Variants in CSRNP3 observed in about 807,000 individuals in gnomAD.
CSRNP3 encodes cysteine and serine rich nuclear protein 3, also known as cysteine/serine-rich nuclear protein 3.
A neutral mutation model predicts 48.0 loss-of-function variants in CSRNP3; 12 were observed. That is an observed-to-expected ratio of 0.25 (90% CI 0.16 to 0.41). The LOEUF (loss-of-function observed/expected upper bound fraction) is 0.41. CSRNP3 is among the 10% of genes least tolerant of loss of function. The pLI, the probability that CSRNP3 is intolerant of heterozygous loss-of-function variation, is 1.00. For missense variants in CSRNP3, 580 were observed against 724.4 expected (o/e 0.80, Z 2.29); for synonymous variants, 263 against 269.7 (o/e 0.98, Z 0.24).
chr2:165,645,447 T>C (rs1686795454), intron 4 of CSRNP3, among the ~76,000 whole-genome samples: 1 of 152,146 alleles, frequency 6.6e-6, no homozygotes. Context: ...ACCATCACCT[T>C]GGGGGTTAGA....
intron 3 of CSRNP3, among the ~76,000 whole-genome samples, chr2:165,591,491 A>T (rs558933764): frequency 1.3e-5 from 2 of 152,324 alleles, no homozygotes. Flanking sequence ...TCTCCAGGGC[A>T]TGTCAGAGAC....
At chr2:165,522,321 A>G (rs2105236406) in intron 3 of CSRNP3, among the ~76,000 whole-genome samples, 1 of 152,002 alleles carries the variant, frequency 6.6e-6, no homozygotes, top group African/African-American at 2.4e-5. Context: ...CAAACAAACA[A>G]AAAACCGCTT....
intron 4 of CSRNP3, among the ~76,000 whole-genome samples, chr2:165,643,609 G>T (rs1050158500): frequency 1.3e-5 from 2 of 152,052 alleles, no homozygotes; most frequent in Admixed American, 6.6e-5. Flanking sequence ...ACATTAATAG[G>T]ATAACTTTGA....
rs1558923489 is a variant in CSRNP3, at chr2:165,520,773, TATATATATATTATATATATATATA to T, written c.-24+2813_-24+2836del. On this transcript the variant is annotated intron_variant, in intron 3 of 6. Coordinates refer to ENST00000651982, the MANE Select transcript of CSRNP3 (RefSeq NM_001172173.2). ...TAAATAGATATATAGAAATATATTA[TATATATATATTATATATATATATA>T]TATATATATATATATATATATATAT... Among the ~76,000 whole-genome samples the T allele has an allele frequency of 8.2e-3, 478 of 58,482 alleles. 11 individuals are homozygous for T. The highest frequency in any genetic ancestry group is 0.02 in the African/African-American group (293 of 14,976). 38.4% of individuals were successfully genotyped at this position (58,482 alleles called of 152,430 possible). A position where few individuals can be genotyped will look rare whatever the true frequency, so the allele number is the denominator to read the frequency against.
At chr2:165,566,325 A>G (rs1685297438) in intron 3 of CSRNP3, among the ~76,000 whole-genome samples, 2 of 151,864 alleles carry the variant, frequency 1.3e-5, no homozygotes. Flanking sequence ...CTTATTTTCC[A>G]TAAAAGAACT....
At chr2:165,507,167 G>T (rs530807960) in intron 2 of CSRNP3, among the ~76,000 whole-genome samples, 2 of 151,912 alleles carry the variant, frequency 1.3e-5, no homozygotes, top group Non-Finnish European at 2.9e-5. Flanking sequence ...TTAATAAAAA[G>T]AACTAATATA....
chr2:165,542,513 T>C (rs909151079), intron 3 of CSRNP3, among the ~76,000 whole-genome samples: 5 of 152,172 alleles, frequency 3.3e-5, no homozygotes, highest in Admixed American at 2.6e-4. Flanking sequence ...TGTCAATAGT[T>C]TGTGAGCACC....
At chr2:165,652,391 C>T (rs1259565558) in intron 4 of CSRNP3, among the ~76,000 whole-genome samples, 1 of 150,664 alleles carries the variant, frequency 6.6e-6, no homozygotes, top group African/African-American at 2.4e-5. Flanking sequence ...CCCAGCTACT[C>T]GGGAGGCTGA....
At chr2:165,617,539 G>T (rs564153310) in intron 4 of CSRNP3, among the ~76,000 whole-genome samples, 1 of 152,326 alleles carries the variant, frequency 6.6e-6, no homozygotes, top group East Asian at 1.9e-4. Context: ...CAGGCCCCTA[G>T]GTGGCACATG....
intron 2 of CSRNP3, among the ~76,000 whole-genome samples, chr2:165,503,507 C>A (rs1684384871): frequency 6.6e-6 from 1 of 151,854 alleles, no homozygotes. Context: ...CCTAACCCAC[C>A]ACTATTAACA....
rs926048039 is a variant in CSRNP3, at chr2:165,477,620, G to T, written c.-283+7880G>T. Among the ~76,000 whole-genome samples the T allele has an allele frequency of 4.7e-5, 7 of 149,304 alleles. No individual in the cohort carries two copies. In the Admixed American group the frequency reaches 4.8e-4, roughly 10 times the overall value. ...GGAGGCGGAGGTTACAATCAGCCAA[G>T]ATCATGCTACTGCACTCCAGCCTGG... On this transcript the variant is annotated intron_variant, in intron 1 of 6. Coordinates refer to ENST00000651982, the MANE Select transcript of CSRNP3 (RefSeq NM_001172173.2).
chr2:165,618,762 G>GGT (rs1686291918), intron 4 of CSRNP3, among the ~76,000 whole-genome samples: 1 of 152,136 alleles, frequency 6.6e-6, no homozygotes, highest in Non-Finnish European at 1.5e-5. Flanking sequence ...AATGCTCTAA[G>GGT]GTGAAATATG....
At chr2:165,570,939 TATC>T (rs1685364760) in intron 3 of CSRNP3, among the ~76,000 whole-genome samples, 1 of 152,044 alleles carries the variant, frequency 6.6e-6, no homozygotes, top group Admixed American at 6.6e-5. Flanking sequence ...CTACAAATAA[TATC>T]ATAAAGAAAG....
At position 165,506,912 on chromosome 2, in the gene CSRNP3, T is replaced by C. The variant is rs77125920; in HGVS notation, c.-112-10961T>C. On this transcript the variant is annotated intron_variant, in intron 2 of 6. Coordinates refer to ENST00000651982, the MANE Select transcript of CSRNP3 (RefSeq NM_001172173.2). ...TGGTAACAAGAAAGGAGACATGGAA[T>C]ATATTACTAGAAAAAATAGGAGGAA... Among the ~76,000 whole-genome samples the C allele has an allele frequency of 8.4e-3, 1,279 of 152,200 alleles. 22 individuals carry two copies. The highest frequency in any genetic ancestry group is 0.029 in the African/African-American group (1,196 of 41,506).
At chr2:165,561,809 T>A (rs1286470502) in intron 3 of CSRNP3, among the ~76,000 whole-genome samples, 3 of 152,200 alleles carry the variant, frequency 2.0e-5, no homozygotes, top group African/African-American at 7.2e-5. Context: ...GCTCTTTTTC[T>A]TTCTGGTCTG....
chr2:165,659,323 T>A (rs2105347961), intron 5 of CSRNP3, among the ~76,000 whole-genome samples: 1 of 152,192 alleles, frequency 6.6e-6, no homozygotes, highest in East Asian at 1.9e-4. Context: ...AAATCAGCAG[T>A]GCTTAATGAC....
chr2:165,652,518 A>G (rs1252165700), intron 4 of CSRNP3, among the ~76,000 whole-genome samples: 1 of 151,676 alleles, frequency 6.6e-6, no homozygotes, highest in Non-Finnish European at 1.5e-5. Flanking sequence ...AAATGGTATC[A>G]AGTATGAAAA....
chr2:165,601,797 A>G (rs1480533417), intron 4 of CSRNP3, among the ~76,000 whole-genome samples: 1 of 152,170 alleles, frequency 6.6e-6, no homozygotes, highest in Admixed American at 6.6e-5. Flanking sequence ...TCCACATTTC[A>G]TAATGGGATT....
chr2:165,513,569 G>A (rs368322472), intron 2 of CSRNP3, among the ~76,000 whole-genome samples: 18 of 152,214 alleles, frequency 1.2e-4, no homozygotes, highest in East Asian at 5.8e-4. Flanking sequence ...GCTTATCACC[G>A]AATCATCTAT....
Sources: allele counts gnomAD v4.1 joint callset (sites outside exome capture counted in the v4.1 genomes callset), GRCh38; gene constraint gnomAD v4.1.1; transcripts MANE v1.5; gene names NCBI Gene and HGNC (gene_info 2026-07-23, HGNC 2026-07-21).